COBLL1: variants seen among roughly 807,000 people sequenced by gnomAD.
The protein encoded by COBLL1 is cordon-bleu WH2 repeat protein like 1.
COBLL1 carries 50 observed loss-of-function variants against 94.8 expected under a neutral mutation model. The observed-to-expected ratio is 0.53, with a 90% CI of 0.42 to 0.67. COBLL1 has a LOEUF of 0.67. COBLL1 is among the 30% of genes least tolerant of loss of function. The pLI is 0.00. For synonymous variants in COBLL1, 448 were observed against 473.8 expected (o/e 0.95, Z 0.71); for missense variants, 1,362 against 1,348.7 (o/e 1.01, Z -0.15).
chr2:164,817,057 T>C (rs1057335444), intron 2 of COBLL1, among the ~76,000 whole-genome samples: 3 of 152,058 alleles, frequency 2.0e-5, no homozygotes. Flanking sequence ...AGGACTCCAG[T>C]GAGGTATATG....
At chr2:164,818,169 T>G (rs567473860) in intron 2 of COBLL1, among the ~76,000 whole-genome samples, 1 of 151,110 alleles carries the variant, frequency 6.6e-6, no homozygotes, top group Non-Finnish European at 1.5e-5. Flanking sequence ...TATGTATACA[T>G]GCACGTATAC....
chr2:164,832,759 A>G (rs1683133447), intron 2 of COBLL1, among the ~76,000 whole-genome samples: 1 of 152,206 alleles, frequency 6.6e-6, no homozygotes, highest in Admixed American at 6.5e-5. Context: ...TAAAAACTAC[A>G]AATGGCCCAA....
intron 9 of COBLL1, among the ~76,000 whole-genome samples, chr2:164,702,573 A>AAAAAAT (rs1558935527): frequency 1.0e-4 from 15 of 147,616 alleles, no homozygotes; most frequent in African/African-American, 3.8e-4. Flanking sequence ...AAAAAAAAAA[A>AAAAAAT]AAAATAATAA....
At chr2:164,691,676 T>G (rs1683599760) in intron 13 of COBLL1, among the ~76,000 whole-genome samples, 1 of 152,184 alleles carries the variant, frequency 6.6e-6, no homozygotes. Flanking sequence ...TTTTTTCTTC[T>G]TCTACCCCAC....
chr2:164,728,907 G>A (rs146295812), intron 4 of COBLL1, among the ~76,000 whole-genome samples: 1 of 151,962 alleles, frequency 6.6e-6, no homozygotes, highest in East Asian at 1.9e-4. Flanking sequence ...ATCCTGTATG[G>A]AACTTAGCAA....
At chr2:164,818,393 T>C (rs1684952494) in intron 2 of COBLL1, among the ~76,000 whole-genome samples, 1 of 149,514 alleles carries the variant, frequency 6.7e-6, no homozygotes, top group South Asian at 2.2e-4. Context: ...CATGTACATA[T>C]ACATGTGTAC....
rs956058779 is a variant in COBLL1, at chr2:164,684,592, C to T, written c.*1354G>A. ...TGCTAAACATTTTAAATGCTTAGAC[C>T]ATGCATTTTGGAGTCAGAATGCCAG... On this transcript the variant is annotated 3_prime_UTR_variant, in exon 14 of 14. Transcript: ENST00000652658. The T allele has an allele frequency of 2.0e-5, 3 of 152,058 alleles. No individual in the cohort carries two copies. Among genetic ancestry groups the T allele is most frequent in the Non-Finnish European group, 4.4e-5 (3 of 67,992 alleles). The allele number at this position is 152,058 out of a possible 1,614,324, so 9.4% of individuals were successfully genotyped here. A position where few individuals can be genotyped will look rare whatever the true frequency, so the allele number is the denominator to read the frequency against.
rs756225708 is a variant in COBLL1 at position 164,687,096 on chromosome 2, G to A, written c.3301-1064C>T. Among the ~76,000 whole-genome samples, 108 of 152,228 alleles carry A rather than the reference G, an allele frequency of 7.1e-4. 1 individual carries two copies. The highest frequency in any genetic ancestry group is 1.3e-3 in the Non-Finnish European group (88 of 68,020). On this transcript the variant is annotated intron_variant, in intron 13 of 13. Coordinates refer to ENST00000652658, the MANE Select transcript of COBLL1 (RefSeq NM_001365672.2). ...GTGATTGACGCTACACACCTAAAAG[G>A]ATACGGTAAGAAGAGTTGCCACCAG...
intron 9 of COBLL1, among the ~76,000 whole-genome samples, chr2:164,702,575 A>AAAATAAT (rs1553469790): frequency 7.4e-6 from 1 of 135,070 alleles, no homozygotes; most frequent in Non-Finnish European, 1.5e-5. Flanking sequence ...AAAAAAAAAA[A>AAAATAAT]AATAATAATA....
chr2:164,751,185 C>A (rs139957690), intron 2 of COBLL1, among the ~76,000 whole-genome samples: 1 of 152,188 alleles, frequency 6.6e-6, no homozygotes, highest in South Asian at 2.1e-4. Context: ...CCCCACCCAT[C>A]GTGGCCCACT....
chr2:164,751,640 G>T (rs1687131360), intron 2 of COBLL1, among the ~76,000 whole-genome samples: 1 of 152,048 alleles, frequency 6.6e-6, no homozygotes, highest in Non-Finnish European at 1.5e-5. Context: ...TTGCCCCAAA[G>T]CGCATAGAAC....
chr2:164,705,121 A>G lies in COBLL1; in HGVS notation c.997-16T>C. The G allele has an allele frequency of 2.0e-6, 3 of 1,492,616 alleles. No homozygotes were observed. The highest frequency in any genetic ancestry group is 2.5e-5 in the East Asian group (1 of 40,724). The allele number at this position is 1,492,616 out of a possible 1,614,324, so 92.5% of individuals were successfully genotyped here. A position where few individuals can be genotyped will look rare whatever the true frequency, so the allele number is the denominator to read the frequency against. The stretch of plus-strand genomic sequence containing the variant: ...CACAGGGACTCTGGAAAACAAAATG[A>G]CCAAATAAAATCCTACATTTAGAAA... On this transcript the variant is annotated splice_polypyrimidine_tract_variant and intron_variant, in intron 7 of 13. Coordinates refer to ENST00000652658, the MANE Select transcript of COBLL1 (RefSeq NM_001365672.2).
chr2:164,687,693 A>G, intron 13 of COBLL1: 1 of 722,608 alleles, frequency 1.4e-6, no homozygotes. Flanking sequence ...CAGGCTGCAT[A>G]CACCACCAAG....
intron 1 of COBLL1, among the ~76,000 whole-genome samples, chr2:164,667,081 A>T (rs533520699): frequency 6.6e-6 from 1 of 152,138 alleles, no homozygotes; most frequent in South Asian, 2.1e-4. Flanking sequence ...TTAAATAATA[A>T]GATATTTATT....
At chr2:164,825,293 T>A (rs1393932767) in intron 2 of COBLL1, among the ~76,000 whole-genome samples, 1 of 152,212 alleles carries the variant, frequency 6.6e-6, no homozygotes, top group Non-Finnish European at 1.5e-5. Flanking sequence ...TAAGGCTCCA[T>A]ATTATTTTAT....
At chr2:164,829,178 G>C (rs1682942601) in intron 2 of COBLL1, among the ~76,000 whole-genome samples, 2 of 152,080 alleles carry the variant, frequency 1.3e-5, no homozygotes, top group Admixed American at 6.6e-5. Flanking sequence ...ATCAGATATG[G>C]TACTTTTGAA....
At chr2:164,828,303 G>A (rs569820947) in intron 2 of COBLL1, among the ~76,000 whole-genome samples, 164 of 152,170 alleles carry the variant, frequency 1.1e-3, no homozygotes, top group Admixed American at 2.4e-3. Flanking sequence ...ACAAAAGAAG[G>A]AATAAAGAAT....
At chr2:164,792,133 A>G (rs2105299618) in intron 2 of COBLL1, among the ~76,000 whole-genome samples, 1 of 150,748 alleles carries the variant, frequency 6.6e-6, no homozygotes, top group East Asian at 1.9e-4. Flanking sequence ...ATTTATTACT[A>G]TTATTATCAT....
At chr2:164,662,765 C>A (rs1691092351) in intron 2 of COBLL1, among the ~76,000 whole-genome samples, 1 of 152,058 alleles carries the variant, frequency 6.6e-6, no homozygotes, top group Admixed American at 6.6e-5. Context: ...TGTGACAACT[C>A]CCCTCACATT....
Sources: allele counts gnomAD v4.1 joint callset (sites outside exome capture counted in the v4.1 genomes callset), GRCh38; gene constraint gnomAD v4.1.1; transcripts MANE v1.5; gene names NCBI Gene and HGNC (gene_info 2026-07-23, HGNC 2026-07-21).